Variants in PHACTR1 observed in about 807,000 individuals in gnomAD.
PHACTR1 encodes RPEL repeat containing 1.
PHACTR1 carries 16 observed loss-of-function variants against 69.2 expected under a neutral mutation model. That is an observed-to-expected ratio of 0.23 (90% CI 0.16 to 0.35). The LOEUF is 0.35. Ranked by LOEUF, PHACTR1 falls within the 10% of genes least tolerant of loss-of-function variation. PHACTR1 has a pLI of 1.00. For missense variants in PHACTR1, 510 were observed against 734.7 expected (o/e 0.69, Z 3.54); for synonymous variants, 312 against 284.5 (o/e 1.10, Z -0.97).
chr6:12,741,981 T>A (rs1033186497), intron 3 of PHACTR1, among the ~76,000 whole-genome samples: 7 of 152,228 alleles, frequency 4.6e-5, no homozygotes, highest in East Asian at 3.8e-4. Context: ...TTATCTTTTT[T>A]AAAATTTATT....
chr6:12,831,244 T>C (rs1206697810), intron 4 of PHACTR1, among the ~76,000 whole-genome samples: 5 of 152,210 alleles, frequency 3.3e-5, no homozygotes, highest in South Asian at 4.1e-4. Context: ...GAAATTACGA[T>C]GCATTTTTGA....
intron 6 of PHACTR1, among the ~76,000 whole-genome samples, chr6:13,165,718 C>T (rs542175712): frequency 8.5e-5 from 13 of 152,208 alleles, no homozygotes; most frequent in South Asian, 4.2e-4. Context: ...GAGACCTAAA[C>T]GAAGTGACCG....
chr6:12,852,986 G>T (rs2127761105), intron 4 of PHACTR1, among the ~76,000 whole-genome samples: 1 of 152,282 alleles, frequency 6.6e-6, no homozygotes, highest in South Asian at 2.1e-4. Context: ...TGAAGAAATT[G>T]TAACCTAAGT....
intron 10 of PHACTR1, among the ~76,000 whole-genome samples, chr6:13,269,057 G>T (rs1453600039): frequency 2.0e-5 from 3 of 152,170 alleles, no homozygotes; most frequent in Admixed American, 2.0e-4. Context: ...TCAATGGGAT[G>T]GCACCGTCAA....
At chr6:12,871,720 A>G (rs993262294) in intron 4 of PHACTR1, among the ~76,000 whole-genome samples, 1 of 152,196 alleles carries the variant, frequency 6.6e-6, no homozygotes, top group Non-Finnish European at 1.5e-5. Context: ...TGTCAGCCCG[A>G]TCCATCCATT....
intron 5 of PHACTR1, among the ~76,000 whole-genome samples, chr6:13,097,671 C>A (rs1297095522): frequency 8.5e-5 from 13 of 152,212 alleles, no homozygotes; most frequent in Admixed American, 8.5e-4. Context: ...CTACTGCAAA[C>A]TTGGCAGCCT....
intron 4 of PHACTR1, among the ~76,000 whole-genome samples, chr6:12,779,444 G>C (rs543352316): frequency 6.9e-6 from 1 of 143,992 alleles, no homozygotes; most frequent in Non-Finnish European, 1.5e-5. Context: ...AAACTTTTTC[G>C]TAATGTCATA....
At chr6:12,738,600 C>G (rs939944961) in intron 3 of PHACTR1, among the ~76,000 whole-genome samples, 1 of 152,118 alleles carries the variant, frequency 6.6e-6, no homozygotes, top group African/African-American at 2.4e-5. Flanking sequence ...TGGTGGCTCA[C>G]TCCTGTAATC....
chr6:13,016,413 A>G (rs1800182411), intron 4 of PHACTR1, among the ~76,000 whole-genome samples: 1 of 152,246 alleles, frequency 6.6e-6, no homozygotes, highest in Non-Finnish European at 1.5e-5. Flanking sequence ...GCCCTTCTAG[A>G]AATTTTACAC....
At chr6:13,058,522 C>G (rs755142091) in intron 5 of PHACTR1, among the ~76,000 whole-genome samples, 3 of 152,144 alleles carry the variant, frequency 2.0e-5, no homozygotes, top group Non-Finnish European at 4.4e-5. Context: ...CCAAACCAGA[C>G]CTAGTCAGTG....
chr6:13,238,020 G>A (rs1402819774), intron 10 of PHACTR1, among the ~76,000 whole-genome samples: 1 of 152,202 alleles, frequency 6.6e-6, no homozygotes, highest in Non-Finnish European at 1.5e-5. Flanking sequence ...TAATCAGTAT[G>A]CCATATTCCT....
At chr6:13,065,150 C>T (rs1049075708) in intron 5 of PHACTR1, among the ~76,000 whole-genome samples, 1 of 152,116 alleles carries the variant, frequency 6.6e-6, no homozygotes, top group Non-Finnish European at 1.5e-5. Context: ...GTATAGATAA[C>T]TGGGGTCAGG....
At chr6:12,782,665 C>A (rs1173253214) in intron 4 of PHACTR1, among the ~76,000 whole-genome samples, 1 of 151,982 alleles carries the variant, frequency 6.6e-6, no homozygotes, top group African/African-American at 2.4e-5. Context: ...TGTGTTTAGG[C>A]TTTAGGGAAT....
chr6:13,195,997 A>T (rs1764355893), intron 7 of PHACTR1, among the ~76,000 whole-genome samples: 1 of 151,816 alleles, frequency 6.6e-6, no homozygotes, highest in African/African-American at 2.4e-5. Context: ...GTTTGGGTTT[A>T]TTTTCCTTGT....
intron 4 of PHACTR1, among the ~76,000 whole-genome samples, chr6:12,768,274 C>G: frequency 6.6e-6 from 1 of 151,988 alleles, no homozygotes; most frequent in Admixed American, 6.6e-5. Context: ...GCCACCATGC[C>G]CGGCTAATTT....
chr6:12,748,925 C>T (rs913484996), intron 3 of PHACTR1, among the ~76,000 whole-genome samples: 1 of 152,246 alleles, frequency 6.6e-6, no homozygotes, highest in Admixed American at 6.5e-5. Context: ...TTTTCCTCCA[C>T]TCCCCACCTC....
At chr6:13,153,611 T>C (rs1335211184) in intron 5 of PHACTR1, among the ~76,000 whole-genome samples, 1 of 152,206 alleles carries the variant, frequency 6.6e-6, no homozygotes, top group African/African-American at 2.4e-5. Context: ...TCTTTTGGTG[T>C]TTCAGTTGCC....
At chr6:13,221,658 G>A (rs1317634206) in intron 8 of PHACTR1, among the ~76,000 whole-genome samples, 2 of 152,212 alleles carry the variant, frequency 1.3e-5, no homozygotes, top group African/African-American at 2.4e-5. Context: ...TAGGATCCTT[G>A]TGAGGCTTAA....
At position 13,147,080 on chromosome 6, in the gene PHACTR1, A is replaced by G. The variant is rs370319525; in HGVS notation, c.416-13124A>G. Among the ~76,000 whole-genome samples, 6 of 152,352 alleles carry G rather than the reference A, an allele frequency of 3.9e-5. No homozygotes were observed. In the South Asian group the frequency reaches 6.2e-4, roughly 16 times the overall value. ...AAGTCTGTCCTAATAGGTGATATAT[A>G]TGTGAAAGGACAAAGTGAAGGTTGT... On this transcript the variant is annotated intron_variant, in intron 5 of 14. Coordinates refer to ENST00000332995, the MANE Select transcript of PHACTR1 (RefSeq NM_030948.6).
Sources: gnomAD v4.1 joint callset for allele counts (sites outside exome capture counted in the v4.1 genomes callset) on GRCh38, gnomAD v4.1.1 for gene constraint, MANE v1.5 for transcripts, NCBI Gene and HGNC (gene_info 2026-07-23, HGNC 2026-07-21) for gene names.